The following ADGRL3 variants were observed in gnomAD, a reference collection of about 807,000 sequenced individuals.
ADGRL3 encodes the protein adhesion G protein-coupled receptor L3, also known as calcium-independent alpha-latrotoxin receptor 3.
Under a neutral mutation model 153.5 loss-of-function variants are expected in ADGRL3, and 62 were observed. The ratio of observed to expected loss-of-function variants is 0.40; its 90% CI spans 0.33 to 0.50. The LOEUF (loss-of-function observed/expected upper bound fraction) is 0.50, where lower values mean the gene tolerates loss of function less well. ADGRL3 is among the 20% of genes least tolerant of loss of function. ADGRL3 has a pLI of 0.47. For synonymous variants in ADGRL3, 710 were observed against 672.5 expected (o/e 1.06, Z -0.86); for missense variants, 1,641 against 1,859.4 (o/e 0.88, Z 2.16).
chr4:61,837,581 G>A (rs1042995071), intron 9 of ADGRL3, among the ~76,000 whole-genome samples: 1 of 152,086 alleles, frequency 6.6e-6, no homozygotes, highest in African/African-American at 2.4e-5. Context: ...CTCAGAGTCG[G>A]TATGTTCTCT....
At chr4:62,031,054 T>A (rs746826628) in intron 22 of ADGRL3, among the ~76,000 whole-genome samples, 1 of 151,536 alleles carries the variant, frequency 6.6e-6, no homozygotes, top group Non-Finnish European at 1.5e-5. Context: ...GAAGCACTAA[T>A]AGAGGGAAAT....
At chr4:61,542,398 T>A (rs1289635311) in intron 4 of ADGRL3, among the ~76,000 whole-genome samples, 1 of 152,198 alleles carries the variant, frequency 6.6e-6, no homozygotes, top group Non-Finnish European at 1.5e-5. Flanking sequence ...CGTCTAAACA[T>A]TTTCTGAGAA....
intron 1 of ADGRL3, among the ~76,000 whole-genome samples, chr4:61,289,174 A>C (rs1235815146): frequency 2.6e-5 from 4 of 151,924 alleles, no homozygotes; most frequent in African/African-American, 9.7e-5. Flanking sequence ...TTCTTCTTTC[A>C]TAAATTCTAA....
chr4:61,847,483 G>A (rs2098130678), intron 9 of ADGRL3, among the ~76,000 whole-genome samples: 1 of 145,762 alleles, frequency 6.9e-6, no homozygotes, highest in Non-Finnish European at 1.5e-5. Context: ...ACTACATGAA[G>A]GTAGATATAC....
chr4:61,836,984 C>G (rs1389708442), intron 9 of ADGRL3, among the ~76,000 whole-genome samples: 1 of 151,870 alleles, frequency 6.6e-6, no homozygotes. Context: ...AATTCTAAAC[C>G]TGGTACATTG....
intron 9 of ADGRL3, among the ~76,000 whole-genome samples, chr4:61,867,329 T>C (rs2098406383): frequency 6.6e-6 from 1 of 150,904 alleles, no homozygotes; most frequent in African/African-American, 2.4e-5. Flanking sequence ...GGAAACCCTG[T>C]CTCTACAAAA....
At chr4:61,690,377 C>T (rs183913776) in intron 6 of ADGRL3, among the ~76,000 whole-genome samples, 7 of 151,400 alleles carry the variant, frequency 4.6e-5, no homozygotes, top group South Asian at 2.1e-4. Context: ...CAGGAGGTTG[C>T]GGTTGCAGTG....
At chr4:61,292,653 G>A (rs564557947) in intron 1 of ADGRL3, among the ~76,000 whole-genome samples, 2 of 152,162 alleles carry the variant, frequency 1.3e-5, no homozygotes, top group African/African-American at 2.4e-5. Context: ...CAGAGCATCT[G>A]TCTGGGGTCT....
chr4:61,345,934 G>A (rs2095892635), intron 1 of ADGRL3, among the ~76,000 whole-genome samples: 1 of 152,114 alleles, frequency 6.6e-6, no homozygotes. Context: ...ACCATGTTGG[G>A]GTGACGTGGG....
chr4:61,292,679 A>G (rs1436874082), intron 1 of ADGRL3, among the ~76,000 whole-genome samples: 1 of 152,142 alleles, frequency 6.6e-6, no homozygotes, highest in Non-Finnish European at 1.5e-5. Context: ...TGTCAATACC[A>G]AATTTAGAGA....
chr4:62,068,750 A>C (rs1744337844), intron 26 of ADGRL3, among the ~76,000 whole-genome samples: 1 of 152,186 alleles, frequency 6.6e-6, no homozygotes, highest in African/African-American at 2.4e-5. Context: ...AAATGAAAAT[A>C]AATCGCTTCA....
intron 9 of ADGRL3, among the ~76,000 whole-genome samples, chr4:61,848,849 A>G (rs2098168540): frequency 1.3e-5 from 2 of 152,142 alleles, no homozygotes; most frequent in Non-Finnish European, 2.9e-5. Flanking sequence ...TATCCTAATT[A>G]AAATACACTG....
intron 6 of ADGRL3, among the ~76,000 whole-genome samples, chr4:61,708,905 G>T (rs953060238): frequency 6.6e-6 from 1 of 151,988 alleles, no homozygotes; most frequent in Non-Finnish European, 1.5e-5. Context: ...TGCCTCCTGG[G>T]TTCAAGTGAT....
chr4:61,897,565 C>T (rs974957447), intron 11 of ADGRL3, among the ~76,000 whole-genome samples: 1 of 152,106 alleles, frequency 6.6e-6, no homozygotes, highest in Admixed American at 6.6e-5. Context: ...TGGTTGTGTC[C>T]CTTATGCCTC....
At chr4:61,811,968 G>C (rs2097630446) in intron 8 of ADGRL3, among the ~76,000 whole-genome samples, 1 of 152,006 alleles carries the variant, frequency 6.6e-6, no homozygotes, top group African/African-American at 2.4e-5. Flanking sequence ...TGATATATTT[G>C]TATTTACAAT....
At chr4:61,919,628 T>C (rs1412946227) in intron 13 of ADGRL3, among the ~76,000 whole-genome samples, 1 of 152,160 alleles carries the variant, frequency 6.6e-6, no homozygotes, top group Non-Finnish European at 1.5e-5. Flanking sequence ...TAAAATCATA[T>C]GTAATGTAAG....
intron 23 of ADGRL3, among the ~76,000 whole-genome samples, chr4:62,037,003 T>C (rs1265561861): frequency 6.6e-6 from 1 of 152,170 alleles, no homozygotes; most frequent in Non-Finnish European, 1.5e-5. Flanking sequence ...TGTAATTTTA[T>C]ACTACAACCA....
chr4:61,867,451 G>A (rs2098407389), intron 9 of ADGRL3, among the ~76,000 whole-genome samples: 1 of 147,884 alleles, frequency 6.8e-6, no homozygotes, highest in Non-Finnish European at 1.5e-5. Context: ...AGCGCACCGA[G>A]ATGGTGCCGC....
At chr4:61,300,070 C>G (rs2094532248) in intron 1 of ADGRL3, among the ~76,000 whole-genome samples, 2 of 152,036 alleles carry the variant, frequency 1.3e-5, no homozygotes, top group Non-Finnish European at 2.9e-5. Context: ...ATAATTCTTA[C>G]AATTTTCTTG....
Sources: gnomAD v4.1 joint callset for allele counts (sites outside exome capture counted in the v4.1 genomes callset) on GRCh38, gnomAD v4.1.1 for gene constraint, MANE v1.5 for transcripts, NCBI Gene and HGNC (gene_info 2026-07-23, HGNC 2026-07-21) for gene names.